The following SLC5A4 variants were observed in gnomAD, a reference collection of about 807,000 sequenced individuals.
The protein encoded by SLC5A4 is solute carrier family 5 member 4, also known as probable glucose sensor protein SLC5A4.
SLC5A4 carries 55 observed loss-of-function variants against 70.3 expected under a neutral mutation model. The ratio of observed to expected loss-of-function variants is 0.78; its 90% CI spans 0.63 to 0.98. The LOEUF (loss-of-function observed/expected upper bound fraction) is 0.98, where lower values mean the gene tolerates loss of function less well. Among genes scored for constraint, SLC5A4 ranks in the 50% least tolerant of loss-of-function variants. SLC5A4 has a pLI of 0.00. For synonymous variants in SLC5A4, 268 were observed against 305.7 expected (o/e 0.88, Z 1.29); for missense variants, 735 against 839.2 (o/e 0.88, Z 1.53).
chr22:32,330,944 AGGC>A, the SLC5A4 span, among the ~76,000 whole-genome samples: 3 of 15,946 alleles, frequency 1.9e-4, no homozygotes, highest in Admixed American at 1.0e-3. Flanking sequence ...TATGTGTTGG[AGGC>A]TCTGGTGTGT....
At chr22:32,314,648 G>C in the SLC5A4 span, among the ~76,000 whole-genome samples, 1 of 152,148 alleles carries the variant, frequency 6.6e-6, no homozygotes, top group Non-Finnish European at 1.5e-5. Context: ...GGCAGTGATG[G>C]CTGCTGTATT....
At chr22:32,354,007 C>G in the SLC5A4 span, among the ~76,000 whole-genome samples, 1 of 151,598 alleles carries the variant, frequency 6.6e-6, no homozygotes, top group African/African-American at 2.4e-5. Flanking sequence ...GCACCCAACC[C>G]ACCCCCTGCG....
At chr22:32,228,542 CAAAA>C (rs34283566) in intron 11 of SLC5A4, among the ~76,000 whole-genome samples, 1 of 145,752 alleles carries the variant, frequency 6.9e-6, no homozygotes, top group Non-Finnish European at 1.5e-5. Flanking sequence ...AACTCTGTCT[CAAAA>C]AAAAAAAATG....
the SLC5A4 span, among the ~76,000 whole-genome samples, chr22:32,329,715 T>TG: frequency 1.3e-4 from 2 of 15,574 alleles, no homozygotes; most frequent in Non-Finnish European, 2.0e-4. Flanking sequence ...CTGGTGTGTG[T>TG]TGGGGACTCT....
At chr22:32,266,397 A>C in the SLC5A4 span, among the ~76,000 whole-genome samples, 15,232 of 152,256 alleles carry the variant, frequency 0.1, 1,044 homozygotes, top group Admixed American at 0.23. Flanking sequence ...AACCCTAGGT[A>C]GTTTCACTAT....
chr22:32,251,594 C>T (rs150579808), intron 3 of SLC5A4, among the ~76,000 whole-genome samples, 176 bp downstream of exon 3: 4 of 152,210 alleles, frequency 2.6e-5, no homozygotes, highest in Non-Finnish European at 5.9e-5. Context: ...GCAAGAAGCC[C>T]TTGCCAGATG....
chr22:32,230,939 G>A (rs370907495), intron 10 of SLC5A4, 29 bp downstream of exon 10: 3 of 1,417,828 alleles, frequency 2.1e-6, no homozygotes, highest in Non-Finnish European at 3.0e-6. Flanking sequence ...CAGGCCTCTG[G>A]GGCTGTCCCA....
At chr22:32,225,321 T>TG (rs1925327485) in intron 12 of SLC5A4, among the ~76,000 whole-genome samples, 1 of 152,242 alleles carries the variant, frequency 6.6e-6, no homozygotes, top group Non-Finnish European at 1.5e-5. Context: ...ATCTTCATTT[T>TG]ACAGAGACTC....
the SLC5A4 span, among the ~76,000 whole-genome samples, chr22:32,274,151 C>T: frequency 2.6e-5 from 4 of 151,982 alleles, no homozygotes; most frequent in East Asian, 1.9e-4. Context: ...ACCGTTCTCC[C>T]GCTTCAGCCT....
chr22:32,306,282 G>A, the SLC5A4 span, among the ~76,000 whole-genome samples: 3 of 151,026 alleles, frequency 2.0e-5, no homozygotes, highest in Admixed American at 6.6e-5. Flanking sequence ...TAGCTAACAC[G>A]GTGAAACCCT....
the SLC5A4 span, chr22:32,272,063 T>A: frequency 1.6e-6 from 1 of 644,802 alleles, no homozygotes; most frequent in Non-Finnish European, 2.8e-6. Context: ...CTATTCCCAA[T>A]GCCAGGATTG....
At chr22:32,334,628 G>A in the SLC5A4 span, among the ~76,000 whole-genome samples, 2 of 152,154 alleles carry the variant, frequency 1.3e-5, no homozygotes, top group East Asian at 1.9e-4. Context: ...TTAAACGAAC[G>A]GAACCACTCT....
the SLC5A4 span, among the ~76,000 whole-genome samples, chr22:32,299,849 CTGTT>C: frequency 1.4e-4 from 17 of 125,768 alleles, no homozygotes; most frequent in Non-Finnish European, 2.5e-4. Flanking sequence ...GATGTCCTTT[CTGTT>C]TGTTAGTTTT....
At chr22:32,300,442 C>T in the SLC5A4 span, among the ~76,000 whole-genome samples, 1 of 152,130 alleles carries the variant, frequency 6.6e-6, no homozygotes, top group African/African-American at 2.4e-5. Context: ...TCCGTCACCC[C>T]TTTCTTTGAC....
chr22:32,339,320 G>C, the SLC5A4 span, among the ~76,000 whole-genome samples: 2 of 152,114 alleles, frequency 1.3e-5, no homozygotes, highest in Non-Finnish European at 2.9e-5. Flanking sequence ...CTCTGTTCCA[G>C]TCCTTACAAT....
At chr22:32,285,506 T>C in the SLC5A4 span, among the ~76,000 whole-genome samples, 1 of 152,134 alleles carries the variant, frequency 6.6e-6, no homozygotes, top group Non-Finnish European at 1.5e-5. Flanking sequence ...CTCAATTATA[T>C]ATTGACTTTA....
At chr22:32,289,844 T>G in the SLC5A4 span, among the ~76,000 whole-genome samples, 1 of 152,234 alleles carries the variant, frequency 6.6e-6, no homozygotes, top group Non-Finnish European at 1.5e-5. Context: ...TTAATTGGTA[T>G]TTTTGCATCT....
chr22:32,262,670 T>C, the SLC5A4 span, among the ~76,000 whole-genome samples: 3,752 of 152,304 alleles, frequency 0.025, 172 homozygotes, highest in African/African-American at 0.086. Context: ...GACTCTAAGT[T>C]CTGGGATACA....
chr22:32,240,975 T>C (rs983079481), intron 5 of SLC5A4, among the ~76,000 whole-genome samples: 2 of 152,242 alleles, frequency 1.3e-5, no homozygotes, highest in African/African-American at 2.4e-5. Context: ...TGAACTTCCA[T>C]GAATCTCTAC....
Sources: allele counts gnomAD v4.1 joint callset (sites outside exome capture counted in the v4.1 genomes callset), GRCh38; gene constraint gnomAD v4.1.1; transcripts MANE v1.5; gene names NCBI Gene and HGNC (gene_info 2026-07-23, HGNC 2026-07-21).